The following DNM3 variants were observed in gnomAD, a reference collection of about 807,000 sequenced individuals.
DNM3 encodes the protein dynamin 3, also known as dynamin-3.
A neutral mutation model predicts 101.6 loss-of-function variants in DNM3; 47 were observed. The ratio of observed to expected loss-of-function variants is 0.46; its 90% confidence interval spans 0.37 to 0.59. The LOEUF (loss-of-function observed/expected upper bound fraction) is 0.59, where lower values mean the gene tolerates loss of function less well. DNM3 is among the 20% of genes least tolerant of loss of function. DNM3 has a pLI of 0.00. For synonymous variants in DNM3, 385 were observed against 387.9 expected (o/e 0.99, Z 0.09); for missense variants, 849 against 1,085.7 (o/e 0.78, Z 3.06).
intron 15 of DNM3, among the ~76,000 whole-genome samples, chr1:172,298,413 G>A (rs2064267560): frequency 6.6e-6 from 1 of 152,206 alleles, no homozygotes; most frequent in South Asian, 2.1e-4. Flanking sequence ...ACTCAGGGGA[G>A]CCTTCTGCAT....
chr1:171,887,926 T>C (rs915013288), intron 1 of DNM3, among the ~76,000 whole-genome samples: 19 of 152,136 alleles, frequency 1.2e-4, no homozygotes, highest in Non-Finnish European at 2.8e-4. Context: ...AAAACAATCC[T>C]TATAGGTGAA....
In DNM3 at chr1:172,411,788, C is replaced by T. The variant is rs1416777428; in HGVS notation, c.*3947C>T. ...AGAAGATAGTGTATGAGACTTAAGCCATGAGTTTTGTATCATTTCAATTAG... is the reference window on the plus strand; with the variant it reads ...AGAAGATAGTGTATGAGACTTAAGCTATGAGTTTTGTATCATTTCAATTAG... On this transcript the variant is annotated 3_prime_UTR_variant, in exon 21 of 21. Transcript: ENST00000627582. The T allele has an allele frequency of 5.1e-6, 5 of 985,440 alleles. No individual in the cohort carries two copies. Among genetic ancestry groups the T allele is most frequent in the African/African-American group, 3.5e-5 (2 of 57,214 alleles). 61.0% of individuals were successfully genotyped at this position (985,440 alleles called of 1,614,324 possible).
chr1:171,914,031 C>T (rs1417988524), intron 1 of DNM3, among the ~76,000 whole-genome samples: 1 of 152,172 alleles, frequency 6.6e-6, no homozygotes, highest in Non-Finnish European at 1.5e-5. Flanking sequence ...CTCAAGTGAT[C>T]CTCCTGCCTT....
intron 14 of DNM3, among the ~76,000 whole-genome samples, chr1:172,135,206 G>T (rs2057149574): frequency 6.6e-6 from 1 of 152,166 alleles, no homozygotes; most frequent in Non-Finnish European, 1.5e-5. Context: ...CACATGCTAA[G>T]AGTTGCAGCA....
rs370850883 is a variant in DNM3 at position 172,036,132 on chromosome 1, T to C, written c.850-2187T>C. 2.0e-4 allele frequency among the ~76,000 whole-genome samples: 30 copies of C among 147,056 alleles called. No homozygotes were observed. The East Asian group carries it at 5.2e-3, about 26-fold the overall frequency. ...AACTCGTCATTTAGCATTAGGTATA[T>C]CTCCTAAAGCTATCCCTCCCCCCTC... On this transcript the variant is annotated intron_variant, in intron 6 of 20. Coordinates refer to ENST00000627582, the MANE Select transcript of DNM3 (RefSeq NM_015569.5).
At chr1:171,894,464 G>A (rs1350767793) in intron 1 of DNM3, among the ~76,000 whole-genome samples, 1 of 151,530 alleles carries the variant, frequency 6.6e-6, no homozygotes, top group Non-Finnish European at 1.5e-5. Flanking sequence ...GAGTGCAGTG[G>A]CATGATCTCG....
At chr1:172,093,908 C>T (rs2054081306) in intron 13 of DNM3, among the ~76,000 whole-genome samples, 1 of 152,168 alleles carries the variant, frequency 6.6e-6, no homozygotes, top group African/African-American at 2.4e-5. Flanking sequence ...CATCCCTTCA[C>T]TGCTAATAAC....
At chr1:171,887,620 A>G (rs1275556807) in intron 1 of DNM3, among the ~76,000 whole-genome samples, 1 of 151,938 alleles carries the variant, frequency 6.6e-6, no homozygotes, top group Non-Finnish European at 1.5e-5. Context: ...CCTTTAATTA[A>G]TTTATTTTTT....
At chr1:172,301,707 T>C (rs997163219) in intron 15 of DNM3, among the ~76,000 whole-genome samples, 1 of 152,164 alleles carries the variant, frequency 6.6e-6, no homozygotes, top group Non-Finnish European at 1.5e-5. Flanking sequence ...TTTATATGAA[T>C]GAATATTATG....
chr1:172,261,532 T>G (rs2062650637), intron 15 of DNM3, among the ~76,000 whole-genome samples: 1 of 152,218 alleles, frequency 6.6e-6, no homozygotes, highest in African/African-American at 2.4e-5. Context: ...CTGGTGTTGG[T>G]GGGTCCAGGA....
intron 20 of DNM3, among the ~76,000 whole-genome samples, chr1:172,398,556 T>C (rs1425619157): frequency 3.9e-5 from 6 of 152,198 alleles, no homozygotes; most frequent in Admixed American, 3.9e-4. Context: ...GCTTGGCCCA[T>C]CCTTTCAGTA....
At chr1:172,260,083 A>T (rs897478838) in intron 15 of DNM3, among the ~76,000 whole-genome samples, 1 of 152,078 alleles carries the variant, frequency 6.6e-6, no homozygotes, top group African/African-American at 2.4e-5. Flanking sequence ...TAGGAAGGAT[A>T]ATTTTGCTGG....
intron 4 of DNM3, among the ~76,000 whole-genome samples, chr1:172,007,049 T>C (rs2046742673): frequency 6.6e-6 from 1 of 152,128 alleles, no homozygotes; most frequent in Non-Finnish European, 1.5e-5. Context: ...TATTCTGTCT[T>C]CCATTTATCT....
chr1:172,104,570 A>G (rs1021282910), intron 13 of DNM3, among the ~76,000 whole-genome samples: 1 of 152,056 alleles, frequency 6.6e-6, no homozygotes, highest in Non-Finnish European at 1.5e-5. Context: ...TTGACCTTTT[A>G]TCATATTTAT....
intron 14 of DNM3, among the ~76,000 whole-genome samples, chr1:172,219,316 T>TGCATCACTGCACTGCA (rs1487225834): frequency 7.0e-6 from 1 of 142,826 alleles, no homozygotes; most frequent in East Asian, 2.1e-4. Flanking sequence ...GAGCTGAGAT[T>TGCATCACTGCACTGCA]GCATCACTGC....
intron 1 of DNM3, among the ~76,000 whole-genome samples, chr1:171,867,395 A>T (rs991407248): frequency 6.6e-6 from 1 of 152,180 alleles, no homozygotes; most frequent in Admixed American, 6.5e-5. Context: ...TTCAAACCTC[A>T]CATATTTGGA....
intron 15 of DNM3, among the ~76,000 whole-genome samples, chr1:172,294,731 G>A (rs1412524678): frequency 2.6e-5 from 4 of 151,964 alleles, no homozygotes; most frequent in African/African-American, 7.2e-5. Flanking sequence ...TAGACAATCT[G>A]GCGAAACCCC....
At chr1:172,148,787 T>A (rs1012591873) in intron 14 of DNM3, among the ~76,000 whole-genome samples, 8 of 151,434 alleles carry the variant, frequency 5.3e-5, no homozygotes, top group South Asian at 2.1e-4. Flanking sequence ...CTTTTTTTTT[T>A]AATTGGAGGC....
At chr1:171,847,237 T>C (rs998476929) in intron 1 of DNM3, among the ~76,000 whole-genome samples, 2 of 152,204 alleles carry the variant, frequency 1.3e-5, no homozygotes, top group Admixed American at 6.5e-5. Flanking sequence ...TAATGCAAAC[T>C]AATCAGGATA....
Sources: gnomAD v4.1 joint callset for allele counts (sites outside exome capture counted in the v4.1 genomes callset) on GRCh38, gnomAD v4.1.1 for gene constraint, MANE v1.5 for transcripts, NCBI Gene and HGNC (gene_info 2026-07-23, HGNC 2026-07-21) for gene names.